Variants in PAPSS2 observed in about 807,000 individuals in gnomAD.
PAPSS2 encodes 3'-phosphoadenosine 5'-phosphosulfate synthase 2.
A neutral mutation model predicts 66.5 loss-of-function variants in PAPSS2; 61 were observed. The observed-to-expected ratio is 0.92, with a 90% CI of 0.75 to 1.14. PAPSS2 has a LOEUF of 1.14. PAPSS2 is among the 50% of genes most tolerant of loss of function. The pLI is 0.00. For missense variants in PAPSS2, 708 were observed against 789.6 expected, an observed-to-expected ratio of 0.90 and a Z score of 1.24; for synonymous variants, 289 against 287.5, an observed-to-expected ratio of 1.01 and a Z score of -0.05.
intron 8 of PAPSS2, among the ~76,000 whole-genome samples, chr10:87,722,823 G>T (rs1853613130): frequency 6.6e-6 from 1 of 152,216 alleles, no homozygotes; most frequent in African/African-American, 2.4e-5. Flanking sequence ...CACATGTAGT[G>T]TTGTAGCTAC....
chr10:87,720,303 C>A (rs544367798), intron 7 of PAPSS2, among the ~76,000 whole-genome samples: 55 of 152,276 alleles, frequency 3.6e-4, no homozygotes, highest in Non-Finnish European at 4.6e-4. Context: ...GGCTTGGGCT[C>A]CCTTTCACCT....
In PAPSS2 at chr10:87,661,145, A is replaced by G. The variant is rs1852747450; in HGVS notation, c.27+1137A>G. 11 of 404,664 alleles carry G rather than the reference A, an allele frequency of 2.7e-5. No individual in the cohort carries two copies. In the Admixed American group the frequency reaches 3.2e-4, roughly 12 times the overall value. The allele number at this position is 404,664 out of a possible 1,614,324, so 25.1% of individuals were successfully genotyped here. On this transcript the variant is annotated intron_variant, in intron 1 of 12. Transcript: ENST00000456849. ...GTGGTGGGCCGGGGAGAGGTTTAAA[A>G]AAAAAAACAAAATATAAAGCCAAGA...
intron 2 of PAPSS2, among the ~76,000 whole-genome samples, chr10:87,710,495 TTA>T (rs1250915021): frequency 6.6e-6 from 1 of 152,170 alleles, no homozygotes; most frequent in South Asian, 2.1e-4. Flanking sequence ...TCCCCTCCTG[TTA>T]TATGTTTCCC....
intron 1 of PAPSS2, among the ~76,000 whole-genome samples, chr10:87,703,082 G>T (rs1364080411): frequency 6.6e-6 from 1 of 152,148 alleles, no homozygotes. Context: ...TTGTGACAAG[G>T]CCTGGACTCT....
At chr10:87,740,208 A>G (rs1163250712) in intron 9 of PAPSS2, among the ~76,000 whole-genome samples, 1 of 152,234 alleles carries the variant, frequency 6.6e-6, no homozygotes, top group Non-Finnish European at 1.5e-5. Context: ...ATATTTTTGG[A>G]AAATTTTTAT....
At chr10:87,727,515 C>A (rs1462233772) in intron 9 of PAPSS2, 26 bp downstream of exon 9, 1 of 1,557,604 alleles carries the variant, frequency 6.4e-7, no homozygotes, top group Non-Finnish European at 8.8e-7. Context: ...TTTGGAAGGA[C>A]TTTCTTGAGC....
intron 1 of PAPSS2, among the ~76,000 whole-genome samples, chr10:87,667,829 A>G (rs1452516449): frequency 6.6e-6 from 1 of 152,258 alleles, no homozygotes; most frequent in African/African-American, 2.4e-5. Context: ...ATGCTGCATC[A>G]TTCATAGTGA....
chr10:87,693,337 A>G (rs1165092850), intron 1 of PAPSS2, among the ~76,000 whole-genome samples: 1 of 152,224 alleles, frequency 6.6e-6, no homozygotes, highest in African/African-American at 2.4e-5. Flanking sequence ...TTTCCAGTGC[A>G]TGGTGTTTAG....
At chr10:87,669,486 T>G (rs1852851070) in intron 1 of PAPSS2, among the ~76,000 whole-genome samples, 1 of 152,208 alleles carries the variant, frequency 6.6e-6, no homozygotes, top group Non-Finnish European at 1.5e-5. Flanking sequence ...ATGTTTTGAG[T>G]AGTTACTAAA....
At chr10:87,728,358 G>A (rs1465525593) in intron 9 of PAPSS2, among the ~76,000 whole-genome samples, 3 of 152,194 alleles carry the variant, frequency 2.0e-5, no homozygotes, top group Non-Finnish European at 4.4e-5. Context: ...CACAGGAAGA[G>A]AGAGCACTGT....
chr10:87,714,044 G>T lies in PAPSS2; in HGVS notation c.382G>T (p.Asp128Tyr), dbSNP rs766716196. The T allele has an allele frequency of 1.2e-6, 2 of 1,613,702 alleles. No homozygotes were observed. The highest frequency in any genetic ancestry group is 1.7e-5 in the Admixed American group (1 of 59,978). ...CATTCTTAATCATATTGCTTTTCAG[G>T]ATCGTGAGAATGCCCGCAAAATACA... The part of the protein sequence containing the change: ...ITSFISPFAK[D>Y]RENARKIHES... The change falls in exon 4 of 13, where the codon GAT becomes TAT. Residue 128 changes from aspartate to tyrosine, a missense_variant and splice_region_variant. By Grantham distance (160) the Asp-to-Tyr change is radical (BLOSUM62 -3). Coordinates refer to ENST00000456849, the MANE Select transcript of PAPSS2 (RefSeq NM_001015880.2).
intron 1 of PAPSS2, among the ~76,000 whole-genome samples, chr10:87,682,680 T>A (rs1853036588): frequency 6.6e-6 from 1 of 152,194 alleles, no homozygotes; most frequent in Non-Finnish European, 1.5e-5. Flanking sequence ...CAAATGAAGA[T>A]GCTGCTGACA....
intron 1 of PAPSS2, among the ~76,000 whole-genome samples, chr10:87,666,765 G>C (rs1852820537): frequency 6.6e-6 from 1 of 152,086 alleles, no homozygotes; most frequent in Non-Finnish European, 1.5e-5. Flanking sequence ...AATTTGGTGG[G>C]ACTAGTTAAG....
In PAPSS2 at chr10:87,715,716, T is replaced by C. The variant is rs1370892633; in HGVS notation, c.754-16T>C. ...AGAACTTATGAAAATGTTCAACTAC[T>C]TTTTGTGTTTTGCAGCTGGATCTCC... On this transcript the variant is annotated splice_polypyrimidine_tract_variant and intron_variant, in intron 6 of 12. Transcript: ENST00000456849. 6.5e-7 allele frequency: 1 copy of C among 1,542,180 alleles called. No homozygotes were observed. The highest frequency in any genetic ancestry group is 1.4e-5 in the African/African-American group (1 of 73,612).
At chr10:87,712,419 T>A (rs1381121022) in intron 2 of PAPSS2, among the ~76,000 whole-genome samples, 2 of 152,216 alleles carry the variant, frequency 1.3e-5, no homozygotes, top group African/African-American at 2.4e-5. Flanking sequence ...TTTGATTTTT[T>A]CAAGAGAATA....
intron 10 of PAPSS2, among the ~76,000 whole-genome samples, chr10:87,742,557 A>G (rs962186344): frequency 6.6e-6 from 1 of 152,250 alleles, no homozygotes; most frequent in African/African-American, 2.4e-5. Context: ...TTTCAATACT[A>G]TAGACATAAA....
rs1273354997 is a variant in PAPSS2, at chr10:87,735,272, GA to G, written c.1087-5962del. Among the ~76,000 whole-genome samples, 10 of 152,276 alleles carry G rather than the reference GA, an allele frequency of 6.6e-5. No homozygotes were observed. In the East Asian group the frequency reaches 1.9e-3, roughly 29 times the overall value. On this transcript the variant is annotated intron_variant, in intron 9 of 12. Coordinates refer to ENST00000456849, the MANE Select transcript of PAPSS2 (RefSeq NM_001015880.2). ...CTGGCGATAATTGGACCACCTTAGG[GA>G]TAGAGATGCCCCTTGTCCCTCCCCA...
At chr10:87,701,388 CT>C (rs561710925) in intron 1 of PAPSS2, among the ~76,000 whole-genome samples, 1 of 81,830 alleles carries the variant, frequency 1.2e-5, no homozygotes, top group Non-Finnish European at 2.3e-5. Context: ...TTCTTTCTTT[CT>C]TTCTTTCTCT....
chr10:87,702,480 T>C (rs1251490091), intron 1 of PAPSS2, among the ~76,000 whole-genome samples: 2 of 151,806 alleles, frequency 1.3e-5, no homozygotes, highest in South Asian at 2.1e-4. Context: ...ATCACTGGGG[T>C]TGCAACTTTC....
Sources: allele counts gnomAD v4.1 joint callset (sites outside exome capture counted in the v4.1 genomes callset), GRCh38; gene constraint gnomAD v4.1.1; transcripts MANE v1.5; gene names NCBI Gene and HGNC (gene_info 2026-07-23, HGNC 2026-07-21).